Variants in HIP1R observed in about 807,000 individuals in gnomAD.
The protein encoded by HIP1R is huntingtin interacting protein 1 related.
Under a neutral mutation model 144.2 loss-of-function variants are expected in HIP1R, and 135 were observed. That is an observed-to-expected ratio of 0.94 (90% CI 0.81 to 1.08). HIP1R has a LOEUF of 1.08. HIP1R is among the 50% of genes least tolerant of loss of function. The probability of loss-of-function intolerance (pLI) is 0.00; values close to 1 mark genes in which losing one functional copy is unlikely to be tolerated. For synonymous variants in HIP1R, 698 were observed against 612.8 expected (o/e 1.14, Z -2.05); for missense variants, 1,462 against 1,432.8 (o/e 1.02, Z -0.33).
intron 1 of HIP1R, among the ~76,000 whole-genome samples, chr12:122,845,691 C>CA (rs1402177841): frequency 6.6e-6 from 1 of 152,158 alleles, no homozygotes; most frequent in African/African-American, 2.4e-5. Context: ...AGGAAACACT[C>CA]CACTGTCTGA....
chr12:122,854,015 C>A, intron 7 of HIP1R, 28 bp from the exon 8 acceptor site: 10 of 1,608,028 alleles, frequency 6.2e-6, no homozygotes, highest in Non-Finnish European at 6.8e-6. Flanking sequence ...CAAGGGCTCA[C>A]GTTCTTCCTC....
At chr12:122,855,429 T>TCCCC (rs2033537041) in intron 11 of HIP1R, 24 bp downstream of exon 11, 1 of 1,551,614 alleles carries the variant, frequency 6.4e-7, no homozygotes, top group African/African-American at 1.4e-5. Context: ...CCAGCCCGTG[T>TCCCC]CCCCCAGTCC....
chr12:122,846,096 T>A (rs1034123955), intron 1 of HIP1R, among the ~76,000 whole-genome samples: 1 of 152,198 alleles, frequency 6.6e-6, no homozygotes, highest in Admixed American at 6.5e-5. Flanking sequence ...CAGCTGGGGA[T>A]GGGGTTACAC....
chr12:122,860,718 T>C lies in HIP1R; in HGVS notation c.2700T>C (p.Tyr900=), dbSNP rs771780896. The C allele has an allele frequency of 1.9e-6, 3 of 1,613,310 alleles. No individual in the cohort carries two copies. Among genetic ancestry groups the C allele is most frequent in the Admixed American group, 3.3e-5 (2 of 60,010 alleles). Residue 900 remains tyrosine (Y), a synonymous_variant, in exon 28 of 32, where the codon TAT becomes TAC. Coordinates refer to ENST00000253083, the MANE Select transcript of HIP1R (RefSeq NM_003959.3). ...AGGTGGTGCTTCACACGGGCAAGTA[T>C]GAGGAGCTCATCGTCTGCTCCCACG... ...ADKVVLHTGK[Y]EELIVCSHEI...
In HIP1R at chr12:122,858,365, G is replaced by C; in HGVS notation, c.1980G>C (p.Arg660Ser). 1.2e-6 allele frequency: 2 copies of C among 1,610,046 alleles called. No homozygotes were observed. Among genetic ancestry groups the C allele is most frequent in the Non-Finnish European group, 1.7e-6 (2 of 1,177,888 alleles). Reference sequence around the variant, plus strand: ...TGCTTGCAGACTACCTGGTGAGCAGGGCCCAGGAGGCCTTGGATGCCGTGA... The same window carrying C: ...TGCTTGCAGACTACCTGGTGAGCAGCGCCCAGGAGGCCTTGGATGCCGTGA... ...CTSSPDYLVS[R>S]AQEALDAVST... is the part of the protein sequence containing the mutation. Residue 660 changes from arginine to serine, a missense_variant, in exon 20 of 32, where the codon AGG becomes AGC. Around this residue, in one of 2 missense-constraint regions of HIP1R, gnomAD observed 1,112 missense variants for 1,011.7 expected, o/e 1.10. Coordinates refer to ENST00000253083, the MANE Select transcript of HIP1R (RefSeq NM_003959.3).
Position 122,835,606 on chromosome 12 carries a change from G to T in HIP1R, c.56G>T (p.Ser19Ile). The T allele has an allele frequency of 6.0e-6, 8 of 1,325,410 alleles. No homozygotes were observed. The Middle Eastern group carries it at 7.7e-4, about 127-fold the overall frequency. 82.1% of individuals were successfully genotyped at this position (1,325,410 alleles called of 1,614,324 possible). A position where few individuals can be genotyped will look rare whatever the true frequency, so the allele number is the denominator to read the frequency against. Reference protein sequence around the residue: ...ARVLSRRPGHSLEAEREQFDK... With the variant: ...ARVLSRRPGHILEAEREQFDK... ...GTGCTGAGCCGCAGGCCGGGCCACA[G>T]CCTGGAGGCCGAGCGCGAGCAGTTC... The change falls in exon 1 of 32, where the codon AGC becomes ATC. Residue 19 changes from serine to isoleucine, a missense_variant. This residue lies in a region of HIP1R where 350 missense variants were observed against 421.1 expected (regional missense o/e 0.83). Transcript: ENST00000253083.
chr12:122,835,468 G>A lies in HIP1R; in HGVS notation c.-83G>A. ...GGCCCGGGCGCGGCGCGGTGGCCTCGCGGTGCCTAGGCTGGGGCTGCCGGA... is the reference window on the plus strand; with the variant it reads ...GGCCCGGGCGCGGCGCGGTGGCCTCACGGTGCCTAGGCTGGGGCTGCCGGA... On this transcript the variant is annotated 5_prime_UTR_variant, in exon 1 of 32. Coordinates refer to ENST00000253083, the MANE Select transcript of HIP1R (RefSeq NM_003959.3). The A allele has an allele frequency of 8.5e-7, 1 of 1,173,496 alleles. No homozygotes were observed. Among genetic ancestry groups the A allele is most frequent in the Non-Finnish European group, 1.1e-6 (1 of 950,044 alleles). The allele number at this position is 1,173,496 out of a possible 1,614,324, so 72.7% of individuals were successfully genotyped here.
At chr12:122,845,792 G>A (rs2033192413) in intron 1 of HIP1R, among the ~76,000 whole-genome samples, 1 of 152,188 alleles carries the variant, frequency 6.6e-6, no homozygotes, top group South Asian at 2.1e-4. Flanking sequence ...GGTGCGGGGA[G>A]CTGGAGCTCT....
chr12:122,842,736 G>C (rs948967681), intron 1 of HIP1R, among the ~76,000 whole-genome samples: 1 of 152,218 alleles, frequency 6.6e-6, no homozygotes, highest in African/African-American at 2.4e-5. Context: ...CATCAGGCCT[G>C]GGCCAGCAGC....
chr12:122,844,756 G>C (rs147701195), intron 1 of HIP1R, among the ~76,000 whole-genome samples: 5 of 152,292 alleles, frequency 3.3e-5, no homozygotes, highest in African/African-American at 1.2e-4. Flanking sequence ...ACCCTGAGCT[G>C]AGGTCCATAA....
chr12:122,856,674 C>A lies in HIP1R; in HGVS notation c.1568C>A (p.Ala523Asp). 1 of 1,602,324 alleles carries A rather than the reference C, an allele frequency of 6.2e-7. No homozygotes were observed. The highest frequency in any genetic ancestry group is 8.5e-7 in the Non-Finnish European group (1 of 1,174,876). Residue 523 changes from alanine (A) to aspartate (D), a missense_variant, in exon 17 of 32, where the codon GCC (alanine) becomes GAC (aspartate). Transcript: ENST00000253083. ...GAGAAGCTCAAGAGGGAGCTGGAGG[C>A]CAAGGCCGGAGAGCTGGCCCGCGCG... Reference protein sequence around the residue: ...QLEKLKRELEAKAGELARAQE... With the variant: ...QLEKLKRELEDKAGELARAQE...
At chr12:122,842,971 G>A (rs780079599) in intron 1 of HIP1R, among the ~76,000 whole-genome samples, 4 of 152,232 alleles carry the variant, frequency 2.6e-5, no homozygotes, top group Non-Finnish European at 5.9e-5. Flanking sequence ...GCTGAAGGCC[G>A]CAGCCCAGAG....
At chr12:122,838,145 C>T (rs1323315957) in intron 1 of HIP1R, among the ~76,000 whole-genome samples, 1 of 152,106 alleles carries the variant, frequency 6.6e-6, no homozygotes, top group Admixed American at 6.5e-5. Context: ...TTTGACAGGA[C>T]ACACCCTGTT....
chr12:122,856,649 G>T lies in HIP1R; in HGVS notation c.1543G>T (p.Glu515Ter), dbSNP rs1224818043. The T allele has an allele frequency of 6.2e-7, 1 of 1,604,980 alleles. No homozygotes were observed. Among genetic ancestry groups the T allele is most frequent in the Admixed American group, 1.7e-5 (1 of 58,736 alleles). The change falls in exon 17 of 32, where the codon GAG becomes TAG. Residue 515 changes from glutamate (E) to a stop codon, truncating the protein, a stop_gained. Transcript: ENST00000253083. LOFTEE classifies it high-confidence loss of function. ...LKLEEKSDQL[E>*]KLKRELEAKA... ...GCTAGAGGAGAAGAGCGACCAGCTG[G>T]AGAAGCTCAAGAGGGAGCTGGAGGC...
Position 122,861,302 on chromosome 12 carries a change from CT to C in HIP1R, c.2953-5del. 6.2e-7 allele frequency: 1 copy of C among 1,613,628 alleles called. No individual in the cohort carries two copies. Among genetic ancestry groups the C allele is most frequent in the Non-Finnish European group, 8.5e-7 (1 of 1,179,956 alleles). On this transcript the variant is annotated splice_region_variant and splice_polypyrimidine_tract_variant and intron_variant, in intron 30 of 31. Coordinates refer to ENST00000253083, the MANE Select transcript of HIP1R (RefSeq NM_003959.3). ...GGGCTGGGCTGAGCAGGCCGTGTGG[CT>C]ACAGGTGCGTGTCCTGGAGCTGGAG...
Position 122,840,979 on chromosome 12 carries a change from G to A in HIP1R, c.93+5336G>A, listed in dbSNP as rs375978860. 4.6e-5 allele frequency among the ~76,000 whole-genome samples: 7 copies of A among 152,170 alleles called. No homozygotes were observed. Among genetic ancestry groups the A allele is most frequent in the African/African-American group, 1.7e-4 (7 of 41,434 alleles). On this transcript the variant is annotated intron_variant, in intron 1 of 31. Transcript: ENST00000253083. This position sits in a 1 kb window ranked among gnomAD's most constrained non-coding sequence, Gnocchi z 4.2. ...CCAGCCAGCGCTGCACCGGTCATTCGCGAATGAAACCCAGCTGGCCACTGG... is the reference window on the plus strand; with the variant it reads ...CCAGCCAGCGCTGCACCGGTCATTCACGAATGAAACCCAGCTGGCCACTGG...
rs576616455 is a variant in HIP1R at position 122,841,263 on chromosome 12, A to G, written c.93+5620A>G. ...TCATGACATTATTTGCGCTGCTTCC[A>G]CATCTGCCCTGACACGCTGTGGCTG... On this transcript the variant is annotated intron_variant, in intron 1 of 31. Transcript: ENST00000253083. Among the ~76,000 whole-genome samples, 3 of 152,252 alleles carry G rather than the reference A, an allele frequency of 2.0e-5. No homozygotes were observed. In the East Asian group the frequency reaches 5.8e-4, roughly 29 times the overall value.
chr12:122,846,781 C>T (rs551351526), intron 1 of HIP1R, among the ~76,000 whole-genome samples: 26 of 152,178 alleles, frequency 1.7e-4, no homozygotes, highest in Admixed American at 1.4e-3. Context: ...CTGCCTGGCC[C>T]AGCCCCGCAG....
rs770937219 is a variant in HIP1R, at chr12:122,856,240, C to G, written c.1313-16C>G. The G allele has an allele frequency of 1.1e-5, 18 of 1,613,418 alleles. No individual in the cohort carries two copies. Among genetic ancestry groups the G allele is most frequent in the Non-Finnish European group, 2.5e-6 (3 of 1,179,906 alleles). On this transcript the variant is annotated splice_polypyrimidine_tract_variant and intron_variant, in intron 14 of 31. Coordinates refer to ENST00000253083, the MANE Select transcript of HIP1R (RefSeq NM_003959.3). ...CACCCCACACGGGGCATCACTGCCCCTCCTCTCGCCCCCAGGGAAGGCCAG... is the reference window on the plus strand; with the variant it reads ...CACCCCACACGGGGCATCACTGCCCGTCCTCTCGCCCCCAGGGAAGGCCAG...
Sources: allele counts gnomAD v4.1 joint callset (sites outside exome capture counted in the v4.1 genomes callset), GRCh38; gene constraint gnomAD v4.1.1; regional missense constraint gnomAD v4.1.1; non-coding constraint Gnocchi (gnomAD v3.1); transcripts MANE v1.5; gene names NCBI Gene and HGNC (gene_info 2026-07-23, HGNC 2026-07-21).